Variants in RANBP2 observed in about 807,000 individuals in gnomAD.
RANBP2 encodes the protein E3 SUMO-protein ligase RanBP2.
RANBP2 carries 57 observed loss-of-function variants against 303.6 expected under a neutral mutation model. The ratio of observed to expected loss-of-function variants is 0.19; its 90% CI spans 0.15 to 0.23. The LOEUF is 0.23. Ranked by LOEUF, RANBP2 falls within the 10% of genes least tolerant of loss-of-function variation. The pLI is 1.00. For synonymous variants in RANBP2, 1,167 were observed against 1,301.5 expected (o/e 0.90, Z 2.23); for missense variants, 3,138 against 3,780.8 (o/e 0.83, Z 4.46).
chr2:108,923,156 T>C, the RANBP2 span, among the ~76,000 whole-genome samples: 271 of 152,298 alleles, frequency 1.8e-3, 3 homozygotes, highest in African/African-American at 3.6e-3. Flanking sequence ...CAACCTGCAC[T>C]AGAACCTCAG....
At chr2:109,678,913 T>C in the RANBP2 span, among the ~76,000 whole-genome samples, 1 of 152,192 alleles carries the variant, frequency 6.6e-6, no homozygotes, top group Non-Finnish European at 1.5e-5. Flanking sequence ...TGAACAGCAC[T>C]GGAGCTAGGA....
the RANBP2 span, among the ~76,000 whole-genome samples, chr2:109,360,917 A>G: frequency 6.6e-6 from 1 of 152,212 alleles, no homozygotes; most frequent in Non-Finnish European, 1.5e-5. Context: ...GAAAGTTTAA[A>G]GTTTCCCACC....
chr2:109,731,780 G>A, the RANBP2 span, among the ~76,000 whole-genome samples: 9 of 151,912 alleles, frequency 5.9e-5, no homozygotes, highest in African/African-American at 1.5e-4. Flanking sequence ...GAGCCACTGC[G>A]TCTGGCCTGT....
the RANBP2 span, among the ~76,000 whole-genome samples, chr2:109,123,309 C>CT: frequency 6.7e-6 from 1 of 148,956 alleles, no homozygotes; most frequent in Admixed American, 6.8e-5. Context: ...CTCACTGTGG[C>CT]TTTTCTTTCT....
chr2:109,584,977 T>C, the RANBP2 span: 2 of 422,202 alleles, frequency 4.7e-6, no homozygotes, highest in African/African-American at 4.1e-5. Context: ...AAGAACAAAA[T>C]ATTGTTTAAT....
chr2:109,719,071 T>A, the RANBP2 span, among the ~76,000 whole-genome samples: 1 of 144,742 alleles, frequency 6.9e-6, no homozygotes, highest in South Asian at 2.2e-4. Flanking sequence ...CCTGAGTGGG[T>A]AAATTGTGTT....
chr2:109,730,785 T>C, the RANBP2 span, among the ~76,000 whole-genome samples: 3 of 106,342 alleles, frequency 2.8e-5, no homozygotes, highest in Admixed American at 9.0e-5. Flanking sequence ...TCTTTTTTTT[T>C]TTTTTTTTTT....
At chr2:109,642,480 T>C in the RANBP2 span, among the ~76,000 whole-genome samples, 1 of 152,026 alleles carries the variant, frequency 6.6e-6, no homozygotes, top group African/African-American at 2.4e-5. Flanking sequence ...CCGGGAGCGG[T>C]GGCTCACGCC....
chr2:109,419,715 G>A, the RANBP2 span: 20 of 1,426,110 alleles, frequency 1.4e-5, no homozygotes, highest in African/African-American at 5.7e-5. Context: ...ACCTGTCCAC[G>A]TGTGGTTTCC....
intron 7 of RANBP2, among the ~76,000 whole-genome samples, chr2:108,745,053 A>G (rs1696406548): frequency 6.6e-6 from 1 of 151,336 alleles, no homozygotes; most frequent in African/African-American, 2.4e-5. Context: ...CATTGTATGG[A>G]TGTACTGTAG....
chr2:109,483,734 A>G, the RANBP2 span, among the ~76,000 whole-genome samples: 1 of 152,174 alleles, frequency 6.6e-6, no homozygotes, highest in Non-Finnish European at 1.5e-5. Context: ...CAGCTGTGCC[A>G]CATGAGGTCA....
the RANBP2 span, among the ~76,000 whole-genome samples, chr2:109,046,366 T>C: frequency 5.7e-4 from 83 of 145,806 alleles, no homozygotes; most frequent in African/African-American, 2.1e-3. Context: ...TCTGGGTAAC[T>C]GCTTTTTTTT....
At chr2:108,780,786 C>T (rs1208542606) in intron 25 of RANBP2, among the ~76,000 whole-genome samples, 40 of 150,066 alleles carry the variant, frequency 2.7e-4, no homozygotes, top group African/African-American at 8.8e-4. Flanking sequence ...CTTGGCTCAC[C>T]GCAACCTCCG....
chr2:109,447,371 C>T, the RANBP2 span, among the ~76,000 whole-genome samples: 1 of 152,214 alleles, frequency 6.6e-6, no homozygotes, highest in East Asian at 1.9e-4. Flanking sequence ...CACGGTGCTA[C>T]TTCCCGTGGC....
the RANBP2 span, among the ~76,000 whole-genome samples, chr2:109,435,584 C>G: frequency 1.3e-5 from 2 of 152,142 alleles, no homozygotes; most frequent in African/African-American, 2.4e-5. Flanking sequence ...TGGCTCTTCC[C>G]GTGAGGGCAC....
chr2:109,126,878 C>T, the RANBP2 span, among the ~76,000 whole-genome samples: 4 of 152,198 alleles, frequency 2.6e-5, no homozygotes, highest in African/African-American at 9.7e-5. Flanking sequence ...CTCTGTGAGC[C>T]CTTCCAGTGC....
At chr2:109,007,180 C>T in the RANBP2 span, among the ~76,000 whole-genome samples, 1 of 152,200 alleles carries the variant, frequency 6.6e-6, no homozygotes, top group Admixed American at 6.5e-5. Flanking sequence ...GGCCTTGGCC[C>T]AAGTTCAAAA....
the RANBP2 span, among the ~76,000 whole-genome samples, chr2:109,111,103 C>T: frequency 4.6e-5 from 7 of 152,286 alleles, no homozygotes; most frequent in South Asian, 2.1e-4. Context: ...ACCTCTTGAA[C>T]ATCTCATGCT....
At chr2:108,746,336 C>T (rs945366598) in intron 7 of RANBP2, among the ~76,000 whole-genome samples, 3 of 151,298 alleles carry the variant, frequency 2.0e-5, no homozygotes, top group Admixed American at 6.6e-5. Context: ...CCTCAGCCTT[C>T]CATGTAGCTG....
Sources: gnomAD v4.1 joint callset for allele counts (sites outside exome capture counted in the v4.1 genomes callset) on GRCh38, gnomAD v4.1.1 for gene constraint, MANE v1.5 for transcripts, NCBI Gene and HGNC (gene_info 2026-07-23, HGNC 2026-07-21) for gene names.